Variants in RNGTT observed in about 807,000 individuals in gnomAD.
The protein encoded by RNGTT is mRNA-capping enzyme.
Under a neutral mutation model 79.3 loss-of-function variants are expected in RNGTT, and 33 were observed. The ratio of observed to expected loss-of-function variants is 0.42; its 90% CI spans 0.32 to 0.56. The LOEUF (loss-of-function observed/expected upper bound fraction) is 0.56. RNGTT is among the 20% of genes least tolerant of loss of function. RNGTT has a pLI of 0.17. For missense variants in RNGTT, 497 were observed against 739.1 expected (o/e 0.67, Z 3.80); for synonymous variants, 222 against 235.9 (o/e 0.94, Z 0.54).
chr6:88,796,479 A>C (rs1418138208), intron 12 of RNGTT, among the ~76,000 whole-genome samples: 1 of 152,196 alleles, frequency 6.6e-6, no homozygotes. Context: ...TAAATAAGGA[A>C]TAAATAGCAA....
intron 7 of RNGTT, among the ~76,000 whole-genome samples, chr6:88,890,835 A>G (rs1276787217): frequency 6.6e-6 from 1 of 152,216 alleles, no homozygotes; most frequent in African/African-American, 2.4e-5. Flanking sequence ...ATAATCACTG[A>G]GCTAATTTTA....
At chr6:88,904,558 T>A (rs1398892623) in intron 6 of RNGTT, among the ~76,000 whole-genome samples, 157 bp downstream of exon 6, 2 of 148,558 alleles carry the variant, frequency 1.3e-5, no homozygotes, top group Non-Finnish European at 3.0e-5. Context: ...CAAAACTTTC[T>A]CTCCAAAAAA....
chr6:88,867,562 A>G (rs1468508432), intron 8 of RNGTT, among the ~76,000 whole-genome samples: 1 of 151,754 alleles, frequency 6.6e-6, no homozygotes, highest in Non-Finnish European at 1.5e-5. Flanking sequence ...AATTTTAAAA[A>G]TTCTTTTAAT....
chr6:88,667,309 G>C (rs2127784809), intron 14 of RNGTT, among the ~76,000 whole-genome samples: 1 of 152,354 alleles, frequency 6.6e-6, no homozygotes, highest in Non-Finnish European at 1.5e-5. Context: ...CCACAGTTGT[G>C]CTGGCTGTGC....
intron 12 of RNGTT, among the ~76,000 whole-genome samples, chr6:88,796,419 A>C (rs1779605057): frequency 1.3e-5 from 2 of 152,340 alleles, no homozygotes; most frequent in South Asian, 4.1e-4. Context: ...GAAGCTACTG[A>C]AATAGGCTGA....
intron 4 of RNGTT, among the ~76,000 whole-genome samples, chr6:88,908,119 A>G (rs931732722): frequency 2.0e-5 from 3 of 152,250 alleles, no homozygotes; most frequent in African/African-American, 7.2e-5. Context: ...GATCAAATAT[A>G]GAAATAAACT....
chr6:88,762,093 G>A (rs1037395823), intron 13 of RNGTT, among the ~76,000 whole-genome samples: 3 of 152,172 alleles, frequency 2.0e-5, no homozygotes, highest in Non-Finnish European at 2.9e-5. Flanking sequence ...ACTGCAGTCC[G>A]TAAGTTAAAT....
chr6:88,841,927 A>G (rs1781307175), intron 11 of RNGTT, among the ~76,000 whole-genome samples: 1 of 152,210 alleles, frequency 6.6e-6, no homozygotes, highest in African/African-American at 2.4e-5. Context: ...TTATCAGTAT[A>G]CAATCAAGCA....
intron 14 of RNGTT, among the ~76,000 whole-genome samples, chr6:88,628,029 TTTGAGAAAGAAATC>T (rs1300946080): frequency 6.6e-6 from 1 of 152,132 alleles, no homozygotes; most frequent in African/African-American, 2.4e-5. Context: ...TTTCTTCTAC[TTTGAGAAAGAAATC>T]TTGAAGTTAT....
In RNGTT at chr6:88,963,562, G is replaced by A; in HGVS notation, c.-153C>T. The A allele has an allele frequency of 1.5e-6, 1 of 650,426 alleles. No homozygotes were observed. The highest frequency in any genetic ancestry group is 2.4e-6 in the Non-Finnish European group (1 of 410,144). 40.3% of individuals were successfully genotyped at this position (650,426 alleles called of 1,614,324 possible). ...CTCTCCGATCCGGGTAACGTCAGGG[G>A]CGGCGCGCCACTTTCATTCAGGATC... On this transcript the variant is annotated 5_prime_UTR_variant, in exon 1 of 16. Transcript: ENST00000369485.
At chr6:88,632,886 C>T (rs1350130023) in intron 14 of RNGTT, among the ~76,000 whole-genome samples, 1 of 152,140 alleles carries the variant, frequency 6.6e-6, no homozygotes, top group African/African-American at 2.4e-5. Flanking sequence ...AATCAGACCC[C>T]GTCTCATGGC....
At chr6:88,946,304 C>T (rs1785007890) in intron 1 of RNGTT, among the ~76,000 whole-genome samples, 1 of 152,098 alleles carries the variant, frequency 6.6e-6, no homozygotes, top group African/African-American at 2.4e-5. Context: ...GAACAACACC[C>T]ATAAGATGGC....
chr6:88,725,797 C>G (rs1396552087), intron 13 of RNGTT, among the ~76,000 whole-genome samples: 2 of 152,128 alleles, frequency 1.3e-5, no homozygotes, highest in African/African-American at 2.4e-5. Context: ...TAGCTCCACT[C>G]CAGCCAGTCC....
intron 11 of RNGTT, among the ~76,000 whole-genome samples, chr6:88,843,926 GTA>G (rs1284905833): frequency 3.4e-5 from 5 of 149,032 alleles, no homozygotes; most frequent in African/African-American, 1.2e-4. Context: ...ATGTGTGTGT[GTA>G]TATATATCTA....
At chr6:88,927,116 G>C (rs1022031664) in intron 4 of RNGTT, among the ~76,000 whole-genome samples, 7 of 152,140 alleles carry the variant, frequency 4.6e-5, no homozygotes, top group African/African-American at 1.7e-4. Flanking sequence ...ATTAAAATGA[G>C]ATGAATAGGA....
intron 6 of RNGTT, among the ~76,000 whole-genome samples, chr6:88,893,004 T>C (rs944389324): frequency 2.0e-5 from 3 of 152,090 alleles, no homozygotes; most frequent in African/African-American, 7.2e-5. Flanking sequence ...AATTTAGGAA[T>C]TTCATAAGCC....
intron 13 of RNGTT, among the ~76,000 whole-genome samples, chr6:88,755,995 G>A (rs1245671159): frequency 2.0e-5 from 3 of 149,956 alleles, no homozygotes; most frequent in East Asian, 3.9e-4. Flanking sequence ...GAACATCTTG[G>A]TGGGGGAGAG....
intron 11 of RNGTT, among the ~76,000 whole-genome samples, chr6:88,826,816 A>G (rs200238159): frequency 2.8e-4 from 26 of 92,140 alleles, no homozygotes; most frequent in East Asian, 1.2e-3. Context: ...ATATATATAT[A>G]TGTGTGTGTA....
chr6:88,890,229 A>G (rs1782999799), intron 8 of RNGTT, among the ~76,000 whole-genome samples: 2 of 152,190 alleles, frequency 1.3e-5, no homozygotes, highest in African/African-American at 4.8e-5. Flanking sequence ...TCATTAAGAG[A>G]AAAACACTTT....
Sources: gnomAD v4.1 joint callset for allele counts (sites outside exome capture counted in the v4.1 genomes callset) on GRCh38, gnomAD v4.1.1 for gene constraint, MANE v1.5 for transcripts, NCBI Gene and HGNC (gene_info 2026-07-23, HGNC 2026-07-21) for gene names.